WDR72: variants seen among roughly 807,000 people sequenced by gnomAD.
WDR72 encodes WD repeat-containing protein 72.
In WDR72, 120 loss-of-function variants were observed where a neutral mutation model predicts 124.2. The ratio of observed to expected loss-of-function variants is 0.97; its 90% CI spans 0.83 to 1.12. The LOEUF (loss-of-function observed/expected upper bound fraction) is 1.12. WDR72 is among the 50% of genes most tolerant of loss of function. The pLI, the probability that WDR72 is intolerant of heterozygous loss-of-function variation, is 0.00. For synonymous variants in WDR72, 452 were observed against 441.7 expected (o/e 1.02, Z -0.29); for missense variants, 1,387 against 1,278.8 (o/e 1.08, Z -1.29).
chr15:53,644,251 C>G (rs1457035448), intron 14 of WDR72, among the ~76,000 whole-genome samples: 9 of 151,950 alleles, frequency 5.9e-5, no homozygotes, highest in Non-Finnish European at 1.3e-4. Flanking sequence ...TTTACTGCAT[C>G]TGTGCTTGCA....
chr15:53,523,352 G>A (rs752450948), intron 18 of WDR72, 30 bp from the exon 19 acceptor site: 2 of 1,563,274 alleles, frequency 1.3e-6, no homozygotes, highest in East Asian at 2.3e-5. Context: ...GAGAGAGAGA[G>A]ACAGAAGAGA....
chr15:53,529,164 A>ATATATATAT (rs59003623), intron 18 of WDR72, among the ~76,000 whole-genome samples: 181 of 78,124 alleles, frequency 2.3e-3, no homozygotes, highest in South Asian at 7.9e-3. Flanking sequence ...ATATATATAT[A>ATATATATAT]TTTTTTTTTT....
At chr15:53,668,901 T>G (rs1238618279) in intron 13 of WDR72, among the ~76,000 whole-genome samples, 2 of 87,452 alleles carry the variant, frequency 2.3e-5, no homozygotes, top group Non-Finnish European at 4.5e-5. Flanking sequence ...TGAGACCTCG[T>G]CTCAAAAAAA....
chr15:53,729,567 C>A (rs753296388), intron 2 of WDR72, among the ~76,000 whole-genome samples: 5 of 151,940 alleles, frequency 3.3e-5, no homozygotes, highest in Admixed American at 6.6e-5. Context: ...TCCAGATGAG[C>A]CTGTCACCTC....
At chr15:53,528,329 T>C (rs971984895) in intron 18 of WDR72, among the ~76,000 whole-genome samples, 5 of 152,096 alleles carry the variant, frequency 3.3e-5, no homozygotes, top group African/African-American at 7.2e-5. Flanking sequence ...CATTAGACTT[T>C]AGGCTTACTT....
At chr15:53,543,937 T>C (rs1893306247) in intron 18 of WDR72, among the ~76,000 whole-genome samples, 1 of 152,054 alleles carries the variant, frequency 6.6e-6, no homozygotes, top group Admixed American at 6.5e-5. Flanking sequence ...CCTTGACACA[T>C]ACACTCTCCC....
At chr15:53,529,165 T>TATATATATATATATATATATATA (rs1555404361) in intron 18 of WDR72, among the ~76,000 whole-genome samples, 1 of 89,052 alleles carries the variant, frequency 1.1e-5, no homozygotes, top group African/African-American at 4.6e-5. Flanking sequence ...TATATATATA[T>TATATATATATATATATATATATA]TTTTTTTTTT....
At chr15:53,753,143 G>T (rs562039590) in intron 1 of WDR72, among the ~76,000 whole-genome samples, 2 of 152,328 alleles carry the variant, frequency 1.3e-5, no homozygotes, top group African/African-American at 4.8e-5. Context: ...CCAAGGACTA[G>T]TTATCTTCTT....
Position 53,556,639 on chromosome 15 carries a change from T to C in WDR72, c.3149-33317A>G, listed in dbSNP as rs532727585. 2.0e-5 allele frequency among the ~76,000 whole-genome samples: 3 copies of C among 152,224 alleles called. No individual in the cohort carries two copies. The South Asian group carries it at 6.2e-4, about 32-fold the overall frequency. The stretch of plus-strand genomic sequence containing the variant: ...TAAAAGTTCAAAGAATAAATATAAT[T>C]GCATTGGGAAATCATAGAGAATCCT... On this transcript the variant is annotated intron_variant, in intron 18 of 19. Coordinates refer to ENST00000360509, the MANE Select transcript of WDR72 (RefSeq NM_182758.4).
intron 13 of WDR72, among the ~76,000 whole-genome samples, chr15:53,683,334 G>C (rs1235929770): frequency 6.6e-6 from 1 of 152,074 alleles, no homozygotes; most frequent in Non-Finnish European, 1.5e-5. Context: ...AGCTAGAAGA[G>C]ATAATCTGAT....
chr15:53,615,337 G>C (rs2013710998), intron 15 of WDR72, 89 bp downstream of exon 15: 1 of 1,056,192 alleles, frequency 9.5e-7, no homozygotes, highest in African/African-American at 1.6e-5. Flanking sequence ...AAAGAAGGAA[G>C]GAATGTTAAA....
At chr15:53,731,360 C>T (rs1170628890) in intron 2 of WDR72, among the ~76,000 whole-genome samples, 1 of 152,008 alleles carries the variant, frequency 6.6e-6, no homozygotes, top group African/African-American at 2.4e-5. Flanking sequence ...TCTCACCAAT[C>T]TAATTCCTAT....
At chr15:53,634,576 C>T (rs761627219) in intron 14 of WDR72, among the ~76,000 whole-genome samples, 5 of 152,160 alleles carry the variant, frequency 3.3e-5, no homozygotes, top group Admixed American at 6.5e-5. Flanking sequence ...TGTCCTGGGC[C>T]GCATGCAGCC....
At chr15:53,576,950 T>C (rs2011648657) in intron 18 of WDR72, among the ~76,000 whole-genome samples, 1 of 152,180 alleles carries the variant, frequency 6.6e-6, no homozygotes, top group Admixed American at 6.5e-5. Context: ...TAAAGCATTG[T>C]CTAAGTCAAA....
chr15:53,626,979 A>G (rs1426227564), intron 14 of WDR72, among the ~76,000 whole-genome samples: 5 of 152,244 alleles, frequency 3.3e-5, no homozygotes, highest in Non-Finnish European at 7.3e-5. Context: ...GTTAGGAAAT[A>G]TAGGCAGCAG....
At chr15:53,534,329 T>G (rs1250515787) in intron 18 of WDR72, among the ~76,000 whole-genome samples, 3 of 152,156 alleles carry the variant, frequency 2.0e-5, no homozygotes, top group African/African-American at 7.2e-5. Flanking sequence ...AAGCATCATT[T>G]TCCCAACACT....
At chr15:53,606,973 G>A (rs780193345) in intron 17 of WDR72, among the ~76,000 whole-genome samples, 1 of 152,110 alleles carries the variant, frequency 6.6e-6, no homozygotes, top group Non-Finnish European at 1.5e-5. Flanking sequence ...AGTATATTAC[G>A]AGTTAACTTT....
In WDR72 at chr15:53,653,084, C is replaced by T. The variant is rs548140386; in HGVS notation, c.1962+12488G>A. Reference sequence around the variant, plus strand: ...ATTTGGACTTAAAGCAATTGGGTGGCGAAATAAATACACTTTTTTTTCTGT... The same window carrying T: ...ATTTGGACTTAAAGCAATTGGGTGGTGAAATAAATACACTTTTTTTTCTGT... On this transcript the variant is annotated intron_variant, in intron 14 of 19. Coordinates refer to ENST00000360509, the MANE Select transcript of WDR72 (RefSeq NM_182758.4). 3.3e-5 allele frequency among the ~76,000 whole-genome samples: 5 copies of T among 152,138 alleles called. No individual in the cohort carries two copies. The South Asian group carries it at 6.2e-4, about 19-fold the overall frequency.
chr15:53,701,953 T>C (rs917534606), intron 12 of WDR72, among the ~76,000 whole-genome samples, 181 bp downstream of exon 12: 1 of 152,132 alleles, frequency 6.6e-6, no homozygotes, highest in Non-Finnish European at 1.5e-5. Flanking sequence ...ATAATAATAC[T>C]ACAATTCATA....
Sources: gnomAD v4.1 joint callset for allele counts (sites outside exome capture counted in the v4.1 genomes callset) on GRCh38, gnomAD v4.1.1 for gene constraint, MANE v1.5 for transcripts, NCBI Gene and HGNC (gene_info 2026-07-23, HGNC 2026-07-21) for gene names.